ANKRD11: variants seen among roughly 807,000 people sequenced by gnomAD.
ANKRD11 encodes the protein ankyrin repeat domain-containing protein 11.
In ANKRD11, 17 loss-of-function variants were observed where a neutral mutation model predicts 195.7. The ratio of observed to expected loss-of-function variants is 0.09; its 90% confidence interval spans 0.06 to 0.13. ANKRD11 has a LOEUF of 0.13. Ranked by LOEUF, ANKRD11 falls within the 10% of genes least tolerant of loss-of-function variation. The probability of loss-of-function intolerance (pLI) is 1.00; values close to 1 mark genes in which losing one functional copy is unlikely to be tolerated. For synonymous variants in ANKRD11, 1,953 were observed against 1,528.1 expected (o/e 1.28, Z -6.49); for missense variants, 3,735 against 3,566.1 (o/e 1.05, Z -1.21).
chr16:89,288,469 T>A, intron 7 of ANKRD11, 59 bp downstream of exon 7: 1 of 1,613,002 alleles, frequency 6.2e-7, no homozygotes, highest in South Asian at 1.1e-5. Flanking sequence ...GAAACAAAGC[T>A]ACAGAACCAC....
chr16:89,319,045 G>A (rs545196571), intron 2 of ANKRD11, among the ~76,000 whole-genome samples: 53 of 152,352 alleles, frequency 3.5e-4, no homozygotes, highest in African/African-American at 1.2e-3. Context: ...AAACTCAGTG[G>A]TAATGTTTAC....
At chr16:89,323,685 G>A (rs1163997370) in intron 2 of ANKRD11, 5 of 302,566 alleles carry the variant, frequency 1.7e-5, no homozygotes, top group Non-Finnish European at 3.2e-5. Context: ...CCACGTCAGC[G>A]TCTCTGTCCA....
chr16:89,378,785 C>A (rs1037995880), intron 2 of ANKRD11, among the ~76,000 whole-genome samples: 1 of 152,152 alleles, frequency 6.6e-6, no homozygotes, highest in Non-Finnish European at 1.5e-5. Flanking sequence ...GGGGTTTCAT[C>A]ATGTTGGCCA....
Position 89,370,073 on chromosome 16 carries a change from C to G in ANKRD11, c.-60+48211G>C, listed in dbSNP as rs979314357. Among the ~76,000 whole-genome samples the G allele has an allele frequency of 1.3e-4, 20 of 152,224 alleles. 1 individual carries two copies. The highest frequency in any genetic ancestry group is 5.9e-5 in the Non-Finnish European group (4 of 68,042). ...AAACCTTCTGGCTTCAGAGCTCTCA[C>G]TGAGGAAGAATCTCAGGCATGGCAG... On this transcript the variant is annotated intron_variant, in intron 2 of 12. Coordinates refer to ENST00000301030, the MANE Select transcript of ANKRD11 (RefSeq NM_013275.6).
At position 89,291,330 on chromosome 16, in the gene ANKRD11, C is replaced by T. The variant is rs1167070562; in HGVS notation, c.227-147G>A. 16 of 1,068,802 alleles carry T rather than the reference C, an allele frequency of 1.5e-5. No homozygotes were observed. The East Asian group carries it at 3.6e-4, about 24-fold the overall frequency. 66.2% of individuals were successfully genotyped at this position (1,068,802 alleles called of 1,614,324 possible). The stretch of plus-strand genomic sequence containing the variant: ...GGAAGGTCTGTGTATGGGGAAAGCA[C>T]AGCGGTGCTGGGAGCATTGGTGCCG... On this transcript the variant is annotated intron_variant, in intron 4 of 12. Transcript: ENST00000301030. The surrounding 1 kb of genome is among the most constrained non-coding windows in gnomAD (Gnocchi z 5.3).
At chr16:89,485,769 A>G (rs556987967) in intron 1 of ANKRD11, among the ~76,000 whole-genome samples, 45 of 152,294 alleles carry the variant, frequency 3.0e-4, no homozygotes, top group African/African-American at 1.1e-3. Context: ...TTTCCCTCCA[A>G]AGAGATCATT....
chr16:89,486,850 T>TA (rs986188245), intron 1 of ANKRD11, among the ~76,000 whole-genome samples: 6 of 150,230 alleles, frequency 4.0e-5, no homozygotes, highest in Non-Finnish European at 5.9e-5. Flanking sequence ...CTACTAACAA[T>TA]AAAAAAAAAT....
At chr16:89,320,524 C>G (rs1242363693) in intron 2 of ANKRD11, among the ~76,000 whole-genome samples, 3 of 152,120 alleles carry the variant, frequency 2.0e-5, no homozygotes, top group African/African-American at 7.2e-5. Flanking sequence ...CTGGCCCTGA[C>G]CGCCCCCAGG....
rs562681141 is a variant in ANKRD11, at chr16:89,470,955, T to C, written c.-145+19290A>G. Among the ~76,000 whole-genome samples the C allele has an allele frequency of 1.8e-4, 28 of 152,214 alleles. No homozygotes were observed. In the East Asian group the frequency reaches 4.1e-3, roughly 22 times the overall value. On this transcript the variant is annotated intron_variant, in intron 1 of 12. Transcript: ENST00000301030. ...TTGCAGTGAGCTGAGATCATGCCAC[T>C]GCACTCCAGCCTGGGCGACAGAGCG...
chr16:89,401,323 C>T (rs1414695779), intron 2 of ANKRD11, among the ~76,000 whole-genome samples: 1 of 152,072 alleles, frequency 6.6e-6, no homozygotes, highest in Admixed American at 6.5e-5. Context: ...GTGATCCACC[C>T]ACCTTGGCCT....
In ANKRD11 at chr16:89,283,244, A is replaced by G. The variant is rs746044012; in HGVS notation, c.3298T>C (p.Ser1100Pro). 15 of 1,613,696 alleles carry G rather than the reference A, an allele frequency of 9.3e-6. No homozygotes were observed. The highest frequency in any genetic ancestry group is 1.3e-5 in the African/African-American group (1 of 74,788). ...AFPGIISEDF[S>P]EKKDDKKGKE... ...CCTTTCTTGTCATCTTTTTTTTCAGAGAAGTCTTCTGAGATGATCCCAGGG... is the reference window on the plus strand; with the variant it reads ...CCTTTCTTGTCATCTTTTTTTTCAGGGAAGTCTTCTGAGATGATCCCAGGG... Residue 1100 changes from serine (S) to proline (P), a missense_variant, in exon 9 of 13, where the codon TCT becomes CCT. By Grantham distance (74) the Ser-to-Pro change is moderately conservative. Transcript: ENST00000301030. This position sits in a 1 kb window ranked among gnomAD's most constrained non-coding sequence, Gnocchi z 4.3.
chr16:89,433,026 T>C (rs1312206295), intron 1 of ANKRD11, among the ~76,000 whole-genome samples: 4 of 150,870 alleles, frequency 2.7e-5, no homozygotes, highest in Non-Finnish European at 4.4e-5. Flanking sequence ...ACACGAAATA[T>C]ATGGACACAG....
Position 89,281,259 on chromosome 16 carries a change from G to C in ANKRD11, c.5283C>G (p.Phe1761Leu), listed in dbSNP as rs754695851. 5.6e-6 allele frequency: 9 copies of C among 1,614,198 alleles called. No homozygotes were observed. The South Asian group carries it at 7.7e-5, about 14-fold the overall frequency. ...CACTTGAAGCCACGGAGAACCTGTC[G>C]AAAAAGGAGGGGGAGCAGGCGCTGG... ...APTSACSPSF[F>L]DRFSVASSGL... is the part of the protein sequence containing the mutation. The change falls in exon 9 of 13, where the codon TTC (phenylalanine) becomes TTG (leucine). Residue 1761 changes from phenylalanine (F) to leucine (L), a missense_variant. Phe to Leu is a conservative substitution (Grantham distance 22). Coordinates refer to ENST00000301030, the MANE Select transcript of ANKRD11 (RefSeq NM_013275.6). This position sits in a 1 kb window ranked among gnomAD's most constrained non-coding sequence, Gnocchi z 5.5.
chr16:89,429,089 ATT>A (rs1755725385), intron 1 of ANKRD11, among the ~76,000 whole-genome samples: 2 of 151,898 alleles, frequency 1.3e-5, no homozygotes, highest in African/African-American at 4.8e-5. Context: ...GCAGCGTGGG[ATT>A]CTCAACTCTC....
chr16:89,455,191 C>T (rs544197865), intron 1 of ANKRD11, among the ~76,000 whole-genome samples: 1 of 141,394 alleles, frequency 7.1e-6, no homozygotes, highest in African/African-American at 2.7e-5. Context: ...TCTAGCATTC[C>T]TCAAGCTGCT....
At chr16:89,417,494 A>C (rs927585595) in intron 2 of ANKRD11, among the ~76,000 whole-genome samples, 27 of 152,174 alleles carry the variant, frequency 1.8e-4, no homozygotes, top group Non-Finnish European at 2.9e-5. Context: ...CCAAGGCCAA[A>C]GTCTTTTTGG....
intron 1 of ANKRD11, among the ~76,000 whole-genome samples, chr16:89,423,207 A>G (rs927593345): frequency 2.0e-5 from 3 of 152,254 alleles, no homozygotes; most frequent in Non-Finnish European, 4.4e-5. Flanking sequence ...CTTGGTCTCA[A>G]AACGCTGCTA....
chr16:89,343,334 C>G (rs3102382), intron 2 of ANKRD11, among the ~76,000 whole-genome samples: 81,938 of 152,104 alleles, frequency 0.54, 22,476 homozygotes, highest in African/African-American at 0.65. Context: ...TTCCCAAAAA[C>G]AGAAAAATTG....
At chr16:89,398,204 C>A (rs1184587226) in intron 2 of ANKRD11, among the ~76,000 whole-genome samples, 1,020 of 79,740 alleles carry the variant, frequency 0.013, no homozygotes, top group African/African-American at 0.051. Context: ...TGTGAAACAG[C>A]TGAAGATTAC....
Sources: gnomAD v4.1 joint callset for allele counts (sites outside exome capture counted in the v4.1 genomes callset) on GRCh38, gnomAD v4.1.1 for gene constraint, Gnocchi (gnomAD v3.1) non-coding constraint, MANE v1.5 for transcripts, NCBI Gene and HGNC (gene_info 2026-07-23, HGNC 2026-07-21) for gene names.